The following SCAPER variants were observed in gnomAD, a reference collection of about 807,000 sequenced individuals.
SCAPER encodes the protein S phase cyclin A-associated protein in the endoplasmic reticulum.
In SCAPER, 98 loss-of-function variants were observed where a neutral mutation model predicts 182.2. That is an observed-to-expected ratio of 0.54 (90% CI 0.46 to 0.64). The LOEUF (loss-of-function observed/expected upper bound fraction) is 0.64. Among genes scored for constraint, SCAPER ranks in the 30% least tolerant of loss-of-function variants. The pLI, the probability that SCAPER is intolerant of heterozygous loss-of-function variation, is 0.00. For synonymous variants in SCAPER, 605 were observed against 564.6 expected (o/e 1.07, Z -1.01); for missense variants, 1,432 against 1,690.0 (o/e 0.85, Z 2.68).
intron 21 of SCAPER, among the ~76,000 whole-genome samples, chr15:76,628,007 T>C: frequency 6.6e-6 from 1 of 152,212 alleles, no homozygotes; most frequent in Non-Finnish European, 1.5e-5. Context: ...TGGTATCTCA[T>C]TGTGGTTTTG....
chr15:76,562,148 CAAAAA>C lies in SCAPER; in HGVS notation c.2838+12005_2838+12009del, dbSNP rs66722088. 9.9e-3 allele frequency among the ~76,000 whole-genome samples: 735 copies of C among 74,030 alleles called. 3 individuals carry two copies. Among genetic ancestry groups the C allele is most frequent in the African/African-American group, 0.037 (701 of 19,160 alleles). The allele number at this position is 74,030 out of a possible 152,430, so 48.6% of individuals were successfully genotyped here. A position where few individuals can be genotyped will look rare whatever the true frequency, so the allele number is the denominator to read the frequency against. ...GGGCAACAAGAGCAAAACTTCATCT[CAAAAA>C]AAAAAAAAAAAAAAAAATTAATACC... On this transcript the variant is annotated intron_variant, in intron 23 of 31. Transcript: ENST00000563290.
At chr15:76,404,492 G>C (rs776552888) in intron 27 of SCAPER, 32 bp downstream of exon 27, 2 of 1,560,750 alleles carry the variant, frequency 1.3e-6, no homozygotes, top group South Asian at 2.3e-5. Context: ...TCCAAAAGTT[G>C]AGTCTAGATT....
chr15:76,503,041 C>G (rs1288774715), intron 24 of SCAPER, among the ~76,000 whole-genome samples: 1 of 150,368 alleles, frequency 6.7e-6, no homozygotes, highest in South Asian at 2.1e-4. Context: ...GTGTCATGCA[C>G]GTTGAAGCCT....
intron 25 of SCAPER, among the ~76,000 whole-genome samples, chr15:76,470,777 C>A (rs157781): frequency 0.97 from 147,898 of 152,232 alleles, 71,977 homozygotes; most frequent in South Asian, 1. Flanking sequence ...TCTTTTCTAA[C>A]ATAATCTAAA....
intron 26 of SCAPER, among the ~76,000 whole-genome samples, chr15:76,433,183 T>C (rs2046977031): frequency 6.6e-6 from 1 of 152,186 alleles, no homozygotes; most frequent in Non-Finnish European, 1.5e-5. Flanking sequence ...GTAAAAGCTC[T>C]AGCAGAACAC....
At chr15:76,507,061 G>A (rs2041646978) in intron 23 of SCAPER, among the ~76,000 whole-genome samples, 1 of 152,078 alleles carries the variant, frequency 6.6e-6, no homozygotes, top group Non-Finnish European at 1.5e-5. Context: ...GACTTGAATT[G>A]TGCCCCCCTC....
chr15:76,855,787 T>G, intron 4 of SCAPER: 1 of 369,372 alleles, frequency 2.7e-6, no homozygotes, highest in South Asian at 2.1e-5. Context: ...TTGGCAAGGT[T>G]GTGGAGATAA....
chr15:76,627,474 T>C (rs755190236), intron 21 of SCAPER, among the ~76,000 whole-genome samples: 5 of 152,048 alleles, frequency 3.3e-5, no homozygotes, highest in Non-Finnish European at 7.4e-5. Context: ...CCCCATTGTG[T>C]GTTGTTCCCC....
chr15:76,571,970 T>C (rs979469653), intron 23 of SCAPER, among the ~76,000 whole-genome samples: 7 of 152,170 alleles, frequency 4.6e-5, no homozygotes, highest in Admixed American at 2.0e-4. Context: ...AAGGATCTTA[T>C]TGTAGGTAAG....
intron 1 of SCAPER, among the ~76,000 whole-genome samples, chr15:76,903,681 G>C (rs545442544): frequency 6.6e-6 from 1 of 152,232 alleles, no homozygotes; most frequent in South Asian, 2.1e-4. Flanking sequence ...GAGGTATTTT[G>C]CTATACCAGA....
At chr15:76,565,477 A>G (rs925025890) in intron 23 of SCAPER, among the ~76,000 whole-genome samples, 1 of 152,148 alleles carries the variant, frequency 6.6e-6, no homozygotes, top group African/African-American at 2.4e-5. Context: ...CCACAATAAG[A>G]TATCATCTCA....
At chr15:76,841,695 G>A (rs776423725) in intron 5 of SCAPER, 39 bp downstream of exon 5, 25 of 1,584,198 alleles carry the variant, frequency 1.6e-5, no homozygotes, top group East Asian at 1.1e-4. Flanking sequence ...TCAAGAATCT[G>A]AGTTCAAATG....
At chr15:76,674,012 G>C (rs2057211750) in intron 20 of SCAPER, among the ~76,000 whole-genome samples, 1 of 150,480 alleles carries the variant, frequency 6.6e-6, no homozygotes, top group African/African-American at 2.5e-5. Context: ...AACTTTGGAG[G>C]ATAATAGGAA....
intron 23 of SCAPER, chr15:76,567,266 A>C (rs942996063): frequency 6.7e-6 from 3 of 445,774 alleles, no homozygotes; most frequent in African/African-American, 6.0e-5. Flanking sequence ...TTATATGAAC[A>C]TACCATAATT....
chr15:76,822,621 T>C (rs2067674570), intron 5 of SCAPER, among the ~76,000 whole-genome samples: 1 of 152,252 alleles, frequency 6.6e-6, no homozygotes, highest in Non-Finnish European at 1.5e-5. Flanking sequence ...CTGTGCCTAC[T>C]GCACCATTCA....
At chr15:76,608,194 T>C (rs891919138) in intron 22 of SCAPER, among the ~76,000 whole-genome samples, 5 of 152,094 alleles carry the variant, frequency 3.3e-5, no homozygotes. Context: ...GATGGGTTTT[T>C]GGTGTGGATG....
At chr15:76,384,620 T>A (rs1216636322) in intron 27 of SCAPER, among the ~76,000 whole-genome samples, 1 of 152,150 alleles carries the variant, frequency 6.6e-6, no homozygotes, top group Non-Finnish European at 1.5e-5. Flanking sequence ...AAATAAGCAT[T>A]TAAGAACTTA....
At chr15:76,708,246 A>C (rs993196176) in intron 17 of SCAPER, among the ~76,000 whole-genome samples, 1 of 152,156 alleles carries the variant, frequency 6.6e-6, no homozygotes, top group Non-Finnish European at 1.5e-5. Flanking sequence ...TGGTATTTGT[A>C]TTATTCTTAT....
chr15:76,672,662 A>T (rs932614794), intron 20 of SCAPER, among the ~76,000 whole-genome samples: 1 of 152,154 alleles, frequency 6.6e-6, no homozygotes, highest in African/African-American at 2.4e-5. Flanking sequence ...TTTTTTAATA[A>T]AAAATGATTT....
Sources: allele counts gnomAD v4.1 joint callset (sites outside exome capture counted in the v4.1 genomes callset), GRCh38; gene constraint gnomAD v4.1.1; transcripts MANE v1.5; gene names NCBI Gene and HGNC (gene_info 2026-07-23, HGNC 2026-07-21).